CLSTN1: variants seen among roughly 807,000 people sequenced by gnomAD.
The protein encoded by CLSTN1 is calsyntenin 1.
Under a neutral mutation model 108.3 loss-of-function variants are expected in CLSTN1, and 28 were observed. That is an observed-to-expected ratio of 0.26 (90% CI 0.19 to 0.35). CLSTN1 has a LOEUF of 0.35. CLSTN1 is among the 10% of genes least tolerant of loss of function. The probability of loss-of-function intolerance (pLI) is 1.00; values close to 1 mark genes in which losing one functional copy is unlikely to be tolerated. For synonymous variants in CLSTN1, 524 were observed against 534.9 expected, an observed-to-expected ratio of 0.98 and a Z score of 0.28; for missense variants, 1,157 against 1,302.6, an observed-to-expected ratio of 0.89 and a Z score of 1.72.
rs1475462835 is a variant in CLSTN1, at chr1:9,743,999, T to G, written c.1241A>C (p.Asn414Thr). The G allele has an allele frequency of 6.2e-7, 1 of 1,613,830 alleles. No homozygotes were observed. Among genetic ancestry groups the G allele is most frequent in the Non-Finnish European group, 8.5e-7 (1 of 1,179,832 alleles). The change falls in exon 9 of 19, where the codon AAT (asparagine) becomes ACT (threonine). Residue 414 changes from asparagine (N) to threonine (T), a missense_variant. Transcript: ENST00000377298. ...ILCSSDKTDM[N>T]RHHYSLYVHG... is the part of the protein sequence containing the mutation. ...GACATAGAGGGAGTAGTGGTGCCGA[T>G]TCATATCTGCAAAGGCAGTTTCTAT...
rs938547424 is a variant in CLSTN1, at chr1:9,729,364, A to C, written c.*1144T>G. 1 of 152,540 alleles carries C rather than the reference A, an allele frequency of 6.6e-6. No homozygotes were observed. Among genetic ancestry groups the C allele is most frequent in the Non-Finnish European group, 1.5e-5 (1 of 68,014 alleles). 9.4% of individuals were successfully genotyped at this position (152,540 alleles called of 1,614,324 possible). A position where few individuals can be genotyped will look rare whatever the true frequency, so the allele number is the denominator to read the frequency against. ...TGTTTGTTTGCTCTCCTGCCCTACC[A>C]CCAAGCAAAGCAGCAGGGCTCCTGG... On this transcript the variant is annotated 3_prime_UTR_variant, in exon 19 of 19. Coordinates refer to ENST00000377298, the MANE Select transcript of CLSTN1 (RefSeq NM_001009566.3).
chr1:9,761,145 C>G (rs1466185191), intron 2 of CLSTN1, among the ~76,000 whole-genome samples: 3 of 152,100 alleles, frequency 2.0e-5, no homozygotes, highest in Admixed American at 6.6e-5. Context: ...TCTCTTTCCC[C>G]AAACCTTCAT....
chr1:9,820,064 A>T (rs1381258654), intron 1 of CLSTN1, among the ~76,000 whole-genome samples: 1 of 151,766 alleles, frequency 6.6e-6, no homozygotes, highest in Non-Finnish European at 1.5e-5. Context: ...TGTAGTGACA[A>T]GGTTTCACCA....
At chr1:9,770,978 C>T in intron 2 of CLSTN1, among the ~76,000 whole-genome samples, 1 of 151,842 alleles carries the variant, frequency 6.6e-6, no homozygotes, top group Non-Finnish European at 1.5e-5. Context: ...GGGCGACAAA[C>T]TGAGACACCG....
At chr1:9,791,755 A>C (rs939161906) in intron 1 of CLSTN1, among the ~76,000 whole-genome samples, 22 of 150,628 alleles carry the variant, frequency 1.5e-4, no homozygotes, top group Admixed American at 1.1e-3. Flanking sequence ...GCTGGTCTTG[A>C]ACTCCTGACC....
At chr1:9,779,473 C>T (rs1653139316) in intron 1 of CLSTN1, among the ~76,000 whole-genome samples, 1 of 152,146 alleles carries the variant, frequency 6.6e-6, no homozygotes, top group Admixed American at 6.6e-5. Context: ...AGGAGAATCG[C>T]TTGAACCCGG....
At chr1:9,778,514 A>C (rs1384269144) in intron 1 of CLSTN1, among the ~76,000 whole-genome samples, 3 of 152,120 alleles carry the variant, frequency 2.0e-5, no homozygotes, top group Non-Finnish European at 4.4e-5. Context: ...TGTTCTGAGC[A>C]AGAGAGCTAG....
At chr1:9,773,250 T>C (rs1369773598) in intron 2 of CLSTN1, 22 bp downstream of exon 2, 3 of 1,612,904 alleles carry the variant, frequency 1.9e-6, no homozygotes, top group South Asian at 1.1e-5. Context: ...TCATCAAGAG[T>C]CAATGAAAGC....
chr1:9,772,332 G>C (rs1228307484), intron 2 of CLSTN1, among the ~76,000 whole-genome samples: 2 of 150,788 alleles, frequency 1.3e-5, no homozygotes, highest in Non-Finnish European at 3.0e-5. Flanking sequence ...TTTTGAGATG[G>C]GGTCTTGCTC....
chr1:9,807,839 C>T (rs1654571749), intron 1 of CLSTN1, among the ~76,000 whole-genome samples: 1 of 152,238 alleles, frequency 6.6e-6, no homozygotes, highest in African/African-American at 2.4e-5. Flanking sequence ...GCAGGCTACT[C>T]TCTCCCTCCT....
In CLSTN1 at chr1:9,744,592, T is replaced by C. The variant is rs539478884; in HGVS notation, c.1037A>G (p.Asn346Ser). The C allele has an allele frequency of 5.0e-6, 8 of 1,613,318 alleles. No homozygotes were observed. The highest frequency in any genetic ancestry group is 5.9e-6 in the Non-Finnish European group (7 of 1,179,932). Residue 346 changes from asparagine to serine, a missense_variant, in exon 8 of 19, where the codon AAC (asparagine) becomes AGC (serine). Asn to Ser is a conservative substitution (Grantham distance 46). Coordinates refer to ENST00000377298, the MANE Select transcript of CLSTN1 (RefSeq NM_001009566.3). ...ELLPSPSGSL[N>S]WTMGLPTDNG... ...GTCGGTGGGCAGGCCCATGGTCCAG[T>C]TGAGGGATCCACTCGGGGATGGCAG... is the stretch of plus-strand genomic sequence containing the variant.
intron 7 of CLSTN1, among the ~76,000 whole-genome samples, chr1:9,746,152 T>C (rs1651257010): frequency 6.6e-6 from 1 of 152,200 alleles, no homozygotes. Context: ...AACCTTTTCC[T>C]ATTATAAACC....
intron 4 of CLSTN1, 67 bp downstream of exon 4, chr1:9,755,047 C>G: frequency 7.3e-7 from 1 of 1,370,236 alleles, no homozygotes; most frequent in Non-Finnish European, 1.0e-6. Flanking sequence ...ATAGTCACTA[C>G]TATTTTCGTT....
chr1:9,771,550 G>A lies in CLSTN1; in HGVS notation c.214+1722C>T, dbSNP rs1452207918. Among the ~76,000 whole-genome samples the A allele has an allele frequency of 2.0e-5, 3 of 152,094 alleles. No individual in the cohort carries two copies. In the East Asian group the frequency reaches 5.8e-4, roughly 29 times the overall value. The stretch of plus-strand genomic sequence containing the variant: ...AACTGCTTGAACCCGGGAGGCAGAG[G>A]TTGCAGTGAGCTGAGATTGCACCAC... On this transcript the variant is annotated intron_variant, in intron 2 of 18. Coordinates refer to ENST00000377298, the MANE Select transcript of CLSTN1 (RefSeq NM_001009566.3).
rs370060047 is a variant in CLSTN1 at position 9,771,423 on chromosome 1, G to A, written c.214+1849C>T. 8.7e-4 allele frequency among the ~76,000 whole-genome samples: 132 copies of A among 152,262 alleles called. 2 individuals are homozygous for A. In the East Asian group the frequency reaches 0.021, roughly 24 times the overall value. ...AAGGTCAGGAGTTCAAGACCAGCCT[G>A]GCCAATATGGTGAAACCCCATCTCT... On this transcript the variant is annotated intron_variant, in intron 2 of 18. Coordinates refer to ENST00000377298, the MANE Select transcript of CLSTN1 (RefSeq NM_001009566.3).
At chr1:9,770,654 G>A (rs187097331) in intron 2 of CLSTN1, among the ~76,000 whole-genome samples, 3 of 152,322 alleles carry the variant, frequency 2.0e-5, no homozygotes, top group Admixed American at 6.5e-5. Context: ...TATTTGTACA[G>A]TACTTAGAGT....
chr1:9,732,651 G>A (rs1447591647), intron 16 of CLSTN1, among the ~76,000 whole-genome samples: 1 of 152,248 alleles, frequency 6.6e-6, no homozygotes, highest in African/African-American at 2.4e-5. Flanking sequence ...AGGCCACAGA[G>A]AGCCTGAGCG....
At chr1:9,799,992 C>A (rs4585981) in intron 1 of CLSTN1, among the ~76,000 whole-genome samples, 127,020 of 152,080 alleles carry the variant, frequency 0.84, 54,473 homozygotes, top group East Asian at 0.95. Flanking sequence ...CGTGGATCAA[C>A]AAAGAAATAT....
intron 1 of CLSTN1, among the ~76,000 whole-genome samples, chr1:9,818,777 CTTTTTTTTTTTTTT>C (rs1156483241): frequency 1.2e-4 from 12 of 98,074 alleles, no homozygotes; most frequent in African/African-American, 5.3e-4. Context: ...TCAAGCAACT[CTTTTTTTTTTTTTT>C]TTTTTTTTTT....
Sources: allele counts gnomAD v4.1 joint callset (sites outside exome capture counted in the v4.1 genomes callset), GRCh38; gene constraint gnomAD v4.1.1; transcripts MANE v1.5; gene names NCBI Gene and HGNC (gene_info 2026-07-23, HGNC 2026-07-21).